The following GPC6 variants were observed in gnomAD, a reference collection of about 807,000 sequenced individuals.
GPC6 encodes the protein glypican-6.
A neutral mutation model predicts 55.2 loss-of-function variants in GPC6; 14 were observed. The observed-to-expected ratio is 0.25, with a 90% confidence interval of 0.17 to 0.40. GPC6 has a LOEUF of 0.40. Among genes scored for constraint, GPC6 ranks in the 10% least tolerant of loss-of-function variants. GPC6 has a pLI of 1.00. For missense variants in GPC6, 641 were observed against 708.5 expected (o/e 0.90, Z 1.08); for synonymous variants, 278 against 259.6 (o/e 1.07, Z -0.68).
intron 6 of GPC6, among the ~76,000 whole-genome samples, chr13:94,378,196 T>C (rs2139202486): frequency 6.6e-6 from 1 of 152,120 alleles, no homozygotes; most frequent in East Asian, 1.9e-4. Flanking sequence ...TAAAGTATAA[T>C]AATAAAATAA....
chr13:94,097,649 T>A (rs1885716853), intron 4 of GPC6, among the ~76,000 whole-genome samples: 1 of 152,196 alleles, frequency 6.6e-6, no homozygotes, highest in Admixed American at 6.5e-5. Context: ...TTTAAAATAG[T>A]TAAGATGGTA....
rs190387257 is a variant in GPC6, at chr13:94,003,589, G to A, written c.712-24140G>A. 1.0e-3 allele frequency among the ~76,000 whole-genome samples: 153 copies of A among 152,266 alleles called. 1 individual carries two copies. The highest frequency in any genetic ancestry group is 1.9e-3 in the Non-Finnish European group (129 of 68,010). On this transcript the variant is annotated intron_variant, in intron 3 of 8. Transcript: ENST00000377047. ...AAATCAATAAATAGTAATTTGATTA[G>A]CTTATGCTTGTTAGGCATTTTGATC...
At chr13:94,310,259 ATATATTT>A (rs1199194297) in intron 6 of GPC6, among the ~76,000 whole-genome samples, 2 of 152,184 alleles carry the variant, frequency 1.3e-5, no homozygotes, top group Non-Finnish European at 2.9e-5. Context: ...TCTTAGAGGA[ATATATTT>A]TATAAAAGTA....
intron 3 of GPC6, among the ~76,000 whole-genome samples, chr13:93,934,905 G>T (rs1471985681): frequency 6.6e-6 from 1 of 151,668 alleles, no homozygotes; most frequent in Non-Finnish European, 1.5e-5. Flanking sequence ...TAAATTTAAG[G>T]ATACAATATG....
intron 4 of GPC6, among the ~76,000 whole-genome samples, chr13:94,271,356 A>G (rs1309517396): frequency 3.1e-5 from 3 of 96,828 alleles, no homozygotes; most frequent in African/African-American, 1.4e-4. Flanking sequence ...CTTGTTAAAT[A>G]CACACACACA....
At chr13:93,273,738 T>G (rs1234506890) in intron 1 of GPC6, among the ~76,000 whole-genome samples, 2 of 152,228 alleles carry the variant, frequency 1.3e-5, no homozygotes, top group Non-Finnish European at 2.9e-5. Flanking sequence ...TTTGATGTTG[T>G]GGATTTCTGT....
At chr13:93,807,685 A>G (rs1423518952) in intron 2 of GPC6, among the ~76,000 whole-genome samples, 3 of 152,184 alleles carry the variant, frequency 2.0e-5, no homozygotes, top group Admixed American at 2.0e-4. Context: ...CCTCTTGAAA[A>G]ACACTCAATG....
intron 1 of GPC6, among the ~76,000 whole-genome samples, chr13:93,413,185 C>T (rs982026791): frequency 3.9e-4 from 60 of 152,144 alleles, no homozygotes; most frequent in African/African-American, 1.4e-3. Flanking sequence ...GTTCAGACAG[C>T]AGTATGAGAG....
chr13:93,277,059 G>T (rs756671980), intron 1 of GPC6, among the ~76,000 whole-genome samples: 1 of 152,118 alleles, frequency 6.6e-6, no homozygotes, highest in Non-Finnish European at 1.5e-5. Flanking sequence ...GGGAACCCCA[G>T]GGAGGGAAAT....
At position 93,282,535 on chromosome 13, in the gene GPC6, G is replaced by A. The variant is rs554550470; in HGVS notation, c.160+54919G>A. 4.7e-4 allele frequency among the ~76,000 whole-genome samples: 71 copies of A among 150,014 alleles called. 1 individual carries two copies. The South Asian group carries it at 0.013, about 28-fold the overall frequency. ...ATGAATTACAGTGAAAAAAAAAAAA[G>A]CTTCTTGCCAATTTTTTCTCCACTT... On this transcript the variant is annotated intron_variant, in intron 1 of 8. Transcript: ENST00000377047.
At chr13:93,713,425 T>G (rs1257477332) in intron 2 of GPC6, among the ~76,000 whole-genome samples, 1 of 151,594 alleles carries the variant, frequency 6.6e-6, no homozygotes, top group African/African-American at 2.4e-5. Context: ...AGAATAAAGA[T>G]GAGAAAAATA....
chr13:94,281,628 T>G (rs964411808), intron 4 of GPC6, among the ~76,000 whole-genome samples: 1 of 152,160 alleles, frequency 6.6e-6, no homozygotes, highest in African/African-American at 2.4e-5. Flanking sequence ...ACATTCAGGA[T>G]TCTCCTTACT....
intron 1 of GPC6, among the ~76,000 whole-genome samples, chr13:93,287,765 G>A (rs1878183806): frequency 6.6e-6 from 1 of 152,136 alleles, no homozygotes; most frequent in African/African-American, 2.4e-5. Flanking sequence ...TTTGATTCTT[G>A]CACAGTTAAA....
At chr13:93,913,864 A>C (rs888396652) in intron 3 of GPC6, among the ~76,000 whole-genome samples, 6 of 152,156 alleles carry the variant, frequency 3.9e-5, no homozygotes, top group African/African-American at 1.4e-4. Flanking sequence ...CCCAGGTAGA[A>C]GAGACAAAAA....
chr13:94,054,900 T>C (rs898860872), intron 4 of GPC6, among the ~76,000 whole-genome samples: 1 of 151,992 alleles, frequency 6.6e-6, no homozygotes, highest in African/African-American at 2.4e-5. Flanking sequence ...CTGATCTGAG[T>C]CTCAAACCCG....
At chr13:94,311,680 A>T (rs552835476) in intron 6 of GPC6, among the ~76,000 whole-genome samples, 2 of 152,318 alleles carry the variant, frequency 1.3e-5, no homozygotes, top group East Asian at 3.9e-4. Flanking sequence ...TCCCCTGAGT[A>T]CTATCCCCAT....
At chr13:94,001,977 C>T (rs1282635233) in intron 3 of GPC6, among the ~76,000 whole-genome samples, 3 of 151,976 alleles carry the variant, frequency 2.0e-5, no homozygotes, top group African/African-American at 4.8e-5. Context: ...TGTGATTAAG[C>T]CACATGTGTT....
intron 1 of GPC6, among the ~76,000 whole-genome samples, chr13:93,444,792 C>A (rs9524069): frequency 0.59 from 89,994 of 152,010 alleles, 27,719 homozygotes; most frequent in Middle Eastern, 0.74. Flanking sequence ...TCCTTTTAAT[C>A]CTTTTCCTAC....
intron 4 of GPC6, among the ~76,000 whole-genome samples, chr13:94,144,251 G>GT (rs1156910506): frequency 3.9e-5 from 6 of 151,970 alleles, no homozygotes; most frequent in Non-Finnish European, 2.9e-5. Context: ...AGACCATATT[G>GT]TTTTTTAATA....
Sources: gnomAD v4.1 joint callset for allele counts (sites outside exome capture counted in the v4.1 genomes callset) on GRCh38, gnomAD v4.1.1 for gene constraint, MANE v1.5 for transcripts, NCBI Gene and HGNC (gene_info 2026-07-23, HGNC 2026-07-21) for gene names.